Variants in PLXNC1 observed in about 807,000 individuals in gnomAD.
PLXNC1 encodes the protein plexin C1.
In PLXNC1, 75 loss-of-function variants were observed where a neutral mutation model predicts 178.2. The ratio of observed to expected loss-of-function variants is 0.42; its 90% CI spans 0.35 to 0.51. PLXNC1 has a LOEUF of 0.51. Ranked by LOEUF, PLXNC1 falls within the 20% of genes least tolerant of loss-of-function variation. The pLI is 0.02. For missense variants in PLXNC1, 1,503 were observed against 1,984.4 expected, an observed-to-expected ratio of 0.76 and a Z score of 4.61; for synonymous variants, 790 against 779.9, an observed-to-expected ratio of 1.01 and a Z score of -0.22.
rs1671913747 is a variant in PLXNC1 at position 94,226,631 on chromosome 12, G to A, written c.1817G>A (p.Cys606Tyr). ...TGCCCAGCATGCGTAGAAACTGGCT[G>A]CGCGTGGTGTAAAAGTGCAAGAAGG... The part of the protein sequence containing the change: ...KECPACVETG[C>Y]AWCKSARRCI... The change falls in exon 8 of 31, where the codon TGC becomes TAC. Residue 606 changes from cysteine (C) to tyrosine (Y), a missense_variant. Physicochemically the swap from Cys to Tyr is radical, Grantham distance 194 (BLOSUM62 -2). This residue lies in a region of PLXNC1 where 615 missense variants were observed against 698.6 expected (regional missense o/e 0.88). Transcript: ENST00000258526. 2 of 1,613,606 alleles carry A rather than the reference G, an allele frequency of 1.2e-6. No homozygotes were observed. The highest frequency in any genetic ancestry group is 1.7e-6 in the Non-Finnish European group (2 of 1,179,704).
chr12:94,165,831 A>G (rs986567072), intron 1 of PLXNC1, among the ~76,000 whole-genome samples: 1 of 152,046 alleles, frequency 6.6e-6, no homozygotes, highest in Non-Finnish European at 1.5e-5. Flanking sequence ...TGGAAACAGA[A>G]CGGTTGCCAC....
chr12:94,245,028 G>A lies in PLXNC1; in HGVS notation c.2388+1003G>A, dbSNP rs1389617810. ...ACACTCCCTCCTCAGGAGCAGTGTG[G>A]GTTCAGACCCAAATTCCGGGGGCCG... On this transcript the variant is annotated intron_variant, in intron 12 of 30. Coordinates refer to ENST00000258526, the MANE Select transcript of PLXNC1 (RefSeq NM_005761.3). 2.0e-5 allele frequency among the ~76,000 whole-genome samples: 3 copies of A among 152,174 alleles called. 1 individual carries two copies. The highest frequency in any genetic ancestry group is 4.4e-5 in the Non-Finnish European group (3 of 68,036).
At chr12:94,255,368 A>G (rs1325488202) in intron 17 of PLXNC1, 72 bp downstream of exon 17, 7 of 1,055,884 alleles carry the variant, frequency 6.6e-6, no homozygotes, top group East Asian at 4.7e-5. Flanking sequence ...GCTGTTGTCA[A>G]AACGAGTGTT....
chr12:94,285,881 C>G (rs1966811119), intron 23 of PLXNC1, among the ~76,000 whole-genome samples: 1 of 152,152 alleles, frequency 6.6e-6, no homozygotes, highest in African/African-American at 2.4e-5. Context: ...TCAGCTGTGC[C>G]TCCCCTGCCA....
At chr12:94,294,267 T>G (rs777253840) in intron 23 of PLXNC1, among the ~76,000 whole-genome samples, 1 of 152,080 alleles carries the variant, frequency 6.6e-6, no homozygotes, top group East Asian at 1.9e-4. Context: ...CTCATCAGCC[T>G]CCTCCACAGG....
intron 20 of PLXNC1, among the ~76,000 whole-genome samples, chr12:94,263,554 CT>C (rs1235147666): frequency 6.6e-6 from 1 of 152,054 alleles, no homozygotes; most frequent in African/African-American, 2.4e-5. Flanking sequence ...GGTTCTCAGC[CT>C]CCCTTCTGAT....
intron 4 of PLXNC1, among the ~76,000 whole-genome samples, chr12:94,195,548 A>G (rs1962884698): frequency 6.6e-6 from 1 of 152,224 alleles, no homozygotes; most frequent in Non-Finnish European, 1.5e-5. Context: ...CACTGGGTAC[A>G]CACAGGTGGA....
At chr12:94,194,771 T>C (rs1269532122) in intron 4 of PLXNC1, among the ~76,000 whole-genome samples, 1 of 152,122 alleles carries the variant, frequency 6.6e-6, no homozygotes, top group African/African-American at 2.4e-5. Flanking sequence ...ATAGTAATAG[T>C]ACCTGCCTCA....
At chr12:94,279,221 A>G (rs377347133) in intron 21 of PLXNC1, among the ~76,000 whole-genome samples, 1 of 152,194 alleles carries the variant, frequency 6.6e-6, no homozygotes. Context: ...GTGTATATGT[A>G]TATTTTACTC....
rs183167208 is a variant in PLXNC1, at chr12:94,172,139, G to A, written c.1203+2846G>A. On this transcript the variant is annotated intron_variant, in intron 2 of 30. Transcript: ENST00000258526. ...AAAGGATGAACACTGATAGACACAA[G>A]CTTGGCTCCTTAAGCCACAGCGTGG... Among the ~76,000 whole-genome samples the A allele has an allele frequency of 3.9e-5, 6 of 152,340 alleles. No homozygotes were observed. The East Asian group carries it at 1.2e-3, about 29-fold the overall frequency.
chr12:94,236,649 A>G (rs7978747), intron 9 of PLXNC1, among the ~76,000 whole-genome samples: 15,650 of 150,886 alleles, frequency 0.1, 1,148 homozygotes, highest in African/African-American at 0.21. Flanking sequence ...GGTAGAGGAT[A>G]TAGGGGAAAA....
At chr12:94,161,334 G>GGTGGATGA (rs568104635) in intron 1 of PLXNC1, among the ~76,000 whole-genome samples, 148 of 152,240 alleles carry the variant, frequency 9.7e-4, no homozygotes, top group Middle Eastern at 3.4e-3. Flanking sequence ...ATAAATAATA[G>GGTGGATGA]GTGGATGAGT....
intron 22 of PLXNC1, chr12:94,281,925 A>T (rs149717748): frequency 4.6e-6 from 1 of 217,726 alleles, no homozygotes; most frequent in African/African-American, 2.3e-5. Flanking sequence ...CACCCCGAAC[A>T]GGAGCCTACA....
At position 94,260,796 on chromosome 12, in the gene PLXNC1, C is replaced by T; in HGVS notation, c.3406C>T (p.Leu1136Phe). The change falls in exon 20 of 31, where the codon CTC becomes TTC. Residue 1136 changes from leucine to phenylalanine, a missense_variant. Coordinates refer to ENST00000258526, the MANE Select transcript of PLXNC1 (RefSeq NM_005761.3). This position sits in a 1 kb window ranked among gnomAD's most constrained non-coding sequence, Gnocchi z 4.4. ...ACGCACGGAGTCCGTCGTCGAAAAA[C>T]TCCTCACAAACTGGATGTCCGTCTG... ...LRRTESVVEK[L>F]LTNWMSVCLS... 1 of 1,614,192 alleles carries T rather than the reference C, an allele frequency of 6.2e-7. No individual in the cohort carries two copies. Among genetic ancestry groups the T allele is most frequent in the Non-Finnish European group, 8.5e-7 (1 of 1,180,028 alleles).
chr12:94,172,557 C>A (rs1961885471), intron 2 of PLXNC1, among the ~76,000 whole-genome samples: 1 of 152,000 alleles, frequency 6.6e-6, no homozygotes, highest in African/African-American at 2.4e-5. Flanking sequence ...AAAAAATTAC[C>A]CCTAATCATG....
intron 12 of PLXNC1, 82 bp from the exon 13 acceptor site, chr12:94,247,821 T>C (rs963829907): frequency 2.4e-6 from 3 of 1,242,998 alleles, no homozygotes; most frequent in Middle Eastern, 2.7e-4. Context: ...AGAAGTTAAG[T>C]TGCTCAGGTC....
chr12:94,199,953 C>T (rs1251146377), intron 4 of PLXNC1, among the ~76,000 whole-genome samples: 1 of 152,212 alleles, frequency 6.6e-6, no homozygotes, highest in East Asian at 1.9e-4. Context: ...TGCCACCATG[C>T]TCGCCTAATT....
At chr12:94,232,702 T>C (rs1398182583) in intron 9 of PLXNC1, among the ~76,000 whole-genome samples, 1 of 152,192 alleles carries the variant, frequency 6.6e-6, no homozygotes, top group Non-Finnish European at 1.5e-5. Context: ...AGCAGTTGCA[T>C]GTGCACAAGA....
chr12:94,275,039 T>C (rs148819010), intron 21 of PLXNC1, among the ~76,000 whole-genome samples: 349 of 152,318 alleles, frequency 2.3e-3, no homozygotes, highest in Middle Eastern at 0.014. Context: ...TCAGCGAAGT[T>C]AGACGACTTC....
Sources: allele counts gnomAD v4.1 joint callset (sites outside exome capture counted in the v4.1 genomes callset), GRCh38; gene constraint gnomAD v4.1.1; regional missense constraint gnomAD v4.1.1; non-coding constraint Gnocchi (gnomAD v3.1); transcripts MANE v1.5; gene names NCBI Gene and HGNC (gene_info 2026-07-23, HGNC 2026-07-21).